The following PDZD2 variants were observed in gnomAD, a reference collection of about 807,000 sequenced individuals.
PDZD2 encodes the protein PDZ domain containing 2.
PDZD2 carries 90 observed loss-of-function variants against 220.7 expected under a neutral mutation model. The observed-to-expected ratio is 0.41, with a 90% CI of 0.34 to 0.49. The LOEUF (loss-of-function observed/expected upper bound fraction) is 0.49. Ranked by LOEUF, PDZD2 falls within the 20% of genes least tolerant of loss-of-function variation. PDZD2 has a pLI of 0.28. For synonymous variants in PDZD2, 1,375 were observed against 1,450.5 expected (o/e 0.95, Z 1.18); for missense variants, 3,174 against 3,608.5 (o/e 0.88, Z 3.08).
intron 1 of PDZD2, among the ~76,000 whole-genome samples, chr5:31,670,891 C>A (rs980484216): frequency 3.3e-5 from 5 of 152,072 alleles, no homozygotes; most frequent in African/African-American, 1.2e-4. Context: ...CTCTGTGGAT[C>A]GCTAAGAGTC....
chr5:31,651,150 A>G (rs1486791450), intron 1 of PDZD2, among the ~76,000 whole-genome samples: 1 of 151,832 alleles, frequency 6.6e-6, no homozygotes, highest in East Asian at 1.9e-4. Flanking sequence ...ACAAAATACT[A>G]CTATTTCGGG....
intron 2 of PDZD2, among the ~76,000 whole-genome samples, chr5:31,870,347 C>T (rs1738673134): frequency 6.6e-6 from 1 of 152,192 alleles, no homozygotes; most frequent in African/African-American, 2.4e-5. Context: ...TATAAATTTT[C>T]TCACACTGTG....
chr5:31,816,207 G>C (rs1755441016), intron 2 of PDZD2, among the ~76,000 whole-genome samples: 1 of 150,486 alleles, frequency 6.6e-6, no homozygotes, highest in African/African-American at 2.5e-5. Flanking sequence ...AGAATGGCAT[G>C]AACCCGGGAG....
intron 19 of PDZD2, among the ~76,000 whole-genome samples, chr5:32,078,198 C>G (rs1215936994): frequency 6.6e-6 from 1 of 152,110 alleles, no homozygotes; most frequent in Non-Finnish European, 1.5e-5. Context: ...AAAATCACAG[C>G]ACTCTGCCTA....
In PDZD2 at chr5:32,089,030, A is replaced by G. The variant is rs143217348; in HGVS notation, c.5582A>G (p.Lys1861Arg). The part of the protein sequence containing the change: ...PPQPKTNLEN[K>R]DLSKKSPAEM... The stretch of plus-strand genomic sequence containing the variant: ...CAGCCGAAAACAAACCTGGAAAATA[A>G]GGACCTGTCTAAGAAGAGTCCGGCA... The change falls in exon 20 of 25, where the codon AAG (lysine) becomes AGG (arginine). Residue 1861 changes from lysine to arginine, a missense_variant. This residue lies in a region of PDZD2 where 1,861 missense variants were observed against 2,001.0 expected (regional missense o/e 0.93). Coordinates refer to ENST00000438447, the MANE Select transcript of PDZD2 (RefSeq NM_178140.4). 1 of 1,613,830 alleles carries G rather than the reference A, an allele frequency of 6.2e-7. No individual in the cohort carries two copies. The highest frequency in any genetic ancestry group is 1.3e-5 in the African/African-American group (1 of 74,928).
chr5:32,061,878 TTAAA>T lies in PDZD2; in HGVS notation c.2451+746_2451+749del, dbSNP rs1354414887. On this transcript the variant is annotated intron_variant, in intron 14 of 24. Transcript: ENST00000438447. ...AACTTGGGTAATATACTTAATTAAT[TTAAA>T]TTGTTTCTGTGTTTCCATAGAATTT... 4.6e-5 allele frequency among the ~76,000 whole-genome samples: 7 copies of T among 152,336 alleles called. No individual in the cohort carries two copies. The East Asian group carries it at 1.3e-3, about 29-fold the overall frequency.
chr5:31,894,570 A>G (rs1029950395), intron 2 of PDZD2, among the ~76,000 whole-genome samples: 9 of 152,182 alleles, frequency 5.9e-5, no homozygotes, highest in African/African-American at 2.2e-4. Flanking sequence ...CTCAGTACAT[A>G]CCAAGTATAT....
chr5:31,897,004 C>T (rs957148003), intron 2 of PDZD2, among the ~76,000 whole-genome samples: 51 of 151,700 alleles, frequency 3.4e-4, no homozygotes, highest in African/African-American at 1.1e-3. Context: ...CAGCTGAAAG[C>T]GCAATAAAAT....
chr5:31,813,488 C>T (rs1580808404), intron 2 of PDZD2, among the ~76,000 whole-genome samples: 1 of 144,436 alleles, frequency 6.9e-6, no homozygotes, highest in Non-Finnish European at 1.5e-5. Context: ...TAAATATTCA[C>T]AACGTGAATA....
chr5:31,657,889 G>C (rs1380886296), intron 1 of PDZD2, among the ~76,000 whole-genome samples: 1 of 152,154 alleles, frequency 6.6e-6, no homozygotes. Context: ...GATAATAGCT[G>C]CCTTCCAAGT....
chr5:31,924,783 A>G (rs897517202), intron 2 of PDZD2, among the ~76,000 whole-genome samples: 1 of 152,252 alleles, frequency 6.6e-6, no homozygotes, highest in East Asian at 1.9e-4. Context: ...TAGAGCTCCC[A>G]GAGCCTTGAG....
chr5:31,723,606 T>G (rs1748932181), intron 1 of PDZD2, among the ~76,000 whole-genome samples: 1 of 151,888 alleles, frequency 6.6e-6, no homozygotes, highest in African/African-American at 2.4e-5. Flanking sequence ...CCTCTTATTT[T>G]ATTATTATTA....
chr5:32,091,591 C>T (rs578167441), intron 20 of PDZD2, among the ~76,000 whole-genome samples: 3 of 152,148 alleles, frequency 2.0e-5, no homozygotes, highest in East Asian at 3.9e-4. Flanking sequence ...CCACTTCTTA[C>T]CCACTCTTCC....
At position 32,000,725 on chromosome 5, in the gene PDZD2, G is replaced by T. The variant is rs1291255778; in HGVS notation, c.1254+454G>T. Among the ~76,000 whole-genome samples the T allele has an allele frequency of 1.3e-5, 2 of 152,160 alleles. No homozygotes were observed. The highest frequency in any genetic ancestry group is 2.1e-4 in the South Asian group (1 of 4,824). ...GGGTTTCTCCATGTTGGTCAGGCTG[G>T]TCTCAAACTCCTGACCTCAGGTGAT... is the stretch of plus-strand genomic sequence containing the variant. On this transcript the variant is annotated intron_variant, in intron 5 of 24. Transcript: ENST00000438447. The surrounding 1 kb of genome is among the most constrained non-coding windows in gnomAD (Gnocchi z 4.5).
chr5:31,885,481 T>C (rs1042796839), intron 2 of PDZD2, among the ~76,000 whole-genome samples: 4 of 152,088 alleles, frequency 2.6e-5, no homozygotes, highest in African/African-American at 9.7e-5. Flanking sequence ...ACATATTCAC[T>C]CCAGAAGTGT....
chr5:31,980,670 T>C (rs1236345334), intron 2 of PDZD2, among the ~76,000 whole-genome samples: 2 of 152,180 alleles, frequency 1.3e-5, no homozygotes, highest in Non-Finnish European at 2.9e-5. Context: ...TCTCCAAGGA[T>C]TTTTCCAGTA....
At chr5:31,665,644 T>TGC (rs1554060781) in intron 1 of PDZD2, among the ~76,000 whole-genome samples, 1 of 119,086 alleles carries the variant, frequency 8.4e-6, no homozygotes, top group Non-Finnish European at 1.7e-5. Flanking sequence ...AAGTTCCCCC[T>TGC]CCCCCCCCTC....
intron 2 of PDZD2, among the ~76,000 whole-genome samples, chr5:31,868,314 G>A (rs149646367): frequency 2.0e-5 from 3 of 152,256 alleles, no homozygotes; most frequent in East Asian, 1.9e-4. Context: ...GTGTGCTGGC[G>A]TGTGCCTTTA....
chr5:31,670,573 C>T lies in PDZD2; in HGVS notation c.-361+31136C>T, dbSNP rs544255572. 3.9e-5 allele frequency among the ~76,000 whole-genome samples: 6 copies of T among 152,226 alleles called. No individual in the cohort carries two copies. In the East Asian group the frequency reaches 9.7e-4, roughly 25 times the overall value. The stretch of plus-strand genomic sequence containing the variant: ...CTGGGATTACAGGCACCCGCCACCA[C>T]GCCCGGCTAATTTTTTAAATGTATT... On this transcript the variant is annotated intron_variant, in intron 1 of 24. Transcript: ENST00000438447.
Sources: gnomAD v4.1 joint callset for allele counts (sites outside exome capture counted in the v4.1 genomes callset) on GRCh38, gnomAD v4.1.1 for gene constraint, gnomAD v4.1.1 regional missense constraint, Gnocchi (gnomAD v3.1) non-coding constraint, MANE v1.5 for transcripts, NCBI Gene and HGNC (gene_info 2026-07-23, HGNC 2026-07-21) for gene names.